The following SEPTIN8 variants were observed in gnomAD, a reference collection of about 807,000 sequenced individuals.
SEPTIN8 encodes septin-8.
SEPTIN8 carries 22 observed loss-of-function variants against 53.1 expected under a neutral mutation model. That is an observed-to-expected ratio of 0.41 (90% CI 0.30 to 0.59). The LOEUF (loss-of-function observed/expected upper bound fraction) is 0.59. SEPTIN8 is among the 20% of genes least tolerant of loss of function. The probability of loss-of-function intolerance (pLI) is 0.24; values close to 1 mark genes in which losing one functional copy is unlikely to be tolerated. For missense variants in SEPTIN8, 536 were observed against 638.7 expected (o/e 0.84, Z 1.73); for synonymous variants, 228 against 248.4 (o/e 0.92, Z 0.77).
At chr5:132,771,344 T>C (rs556032795) in intron 1 of SEPTIN8, among the ~76,000 whole-genome samples, 23 of 152,288 alleles carry the variant, frequency 1.5e-4, no homozygotes, top group African/African-American at 5.5e-4. Context: ...CAAACTAGGC[T>C]GGTTGTTGCA....
At position 132,751,952 on chromosome 5, in the gene SEPTIN8, A is replaced by G; in HGVS notation, c.*64T>C. ...GGCGTTTTCTGTTCTAACATTAAAA[A>G]CCATGGTCTCCAGTTCCATGCCCTG... On this transcript the variant is annotated 3_prime_UTR_variant, in exon 10 of 10. Transcript: ENST00000378719. 1 of 1,598,618 alleles carries G rather than the reference A, an allele frequency of 6.3e-7. No homozygotes were observed. The highest frequency in any genetic ancestry group is 8.5e-7 in the Non-Finnish European group (1 of 1,172,106).
chr5:132,754,572 C>A (rs552411610), intron 9 of SEPTIN8: 7 of 715,760 alleles, frequency 9.8e-6, no homozygotes, highest in South Asian at 7.4e-5. Flanking sequence ...GGGTAAGAGA[C>A]AACCTTCTGC....
Position 132,761,742 on chromosome 5 carries a change from C to T in SEPTIN8, c.793+58G>A. 1 of 1,577,082 alleles carries T rather than the reference C, an allele frequency of 6.3e-7. No homozygotes were observed. The highest frequency in any genetic ancestry group is 8.6e-7 in the Non-Finnish European group (1 of 1,157,010). ...AAACAGCACAGGGTACTACAGGCAG[C>T]AGGGCAGGCCAGGGAACTCAGTTCT... is the stretch of plus-strand genomic sequence containing the variant. On this transcript the variant is annotated intron_variant, in intron 6 of 9. Transcript: ENST00000378719. The surrounding 1 kb of genome is among the most constrained non-coding windows in gnomAD (Gnocchi z 5.8).
At chr5:132,769,553 T>C (rs1756958367) in intron 1 of SEPTIN8, among the ~76,000 whole-genome samples, 1 of 152,166 alleles carries the variant, frequency 6.6e-6, no homozygotes, top group East Asian at 1.9e-4. Context: ...TAACATGTAT[T>C]GCATGCTTGC....
intron 1 of SEPTIN8, among the ~76,000 whole-genome samples, chr5:132,771,006 T>C (rs1757267272): frequency 6.6e-6 from 1 of 152,154 alleles, no homozygotes; most frequent in Non-Finnish European, 1.5e-5. Flanking sequence ...CAATAACTTC[T>C]CAGGCCGGCT....
intron 9 of SEPTIN8, 134 bp from the exon 10 acceptor site, chr5:132,752,315 C>T: frequency 8.3e-7 from 1 of 1,212,076 alleles, no homozygotes; most frequent in Non-Finnish European, 1.1e-6. Context: ...TGGCCATAAC[C>T]CTGGAAAGAG....
intron 1 of SEPTIN8, among the ~76,000 whole-genome samples, chr5:132,766,036 T>G (rs1036851306): frequency 6.6e-6 from 1 of 152,194 alleles, no homozygotes; most frequent in Non-Finnish European, 1.5e-5. Context: ...CTCACAAGCA[T>G]GCTCCCTCAG....
chr5:132,771,372 A>G (rs994609848), intron 1 of SEPTIN8, among the ~76,000 whole-genome samples: 1 of 152,166 alleles, frequency 6.6e-6, no homozygotes, highest in African/African-American at 2.4e-5. Context: ...TAGAAAGGAT[A>G]CCCCACCATA....
Position 132,751,904 on chromosome 5 carries a change from G to C in SEPTIN8, c.*112C>G, listed in dbSNP as rs778692925. ...GGAAATTTAAATTGTTTGCACTTTT[G>C]ATCATTGATATAGGAAAAGTATGGC... On this transcript the variant is annotated 3_prime_UTR_variant, in exon 10 of 10. Transcript: ENST00000378719. 21 of 1,519,464 alleles carry C rather than the reference G, an allele frequency of 1.4e-5. No homozygotes were observed. The highest frequency in any genetic ancestry group is 1.8e-4 in the Middle Eastern group (1 of 5,612). The allele number at this position is 1,519,464 out of a possible 1,614,324, so 94.1% of individuals were successfully genotyped here.
At chr5:132,770,724 C>G (rs1182580162) in intron 1 of SEPTIN8, among the ~76,000 whole-genome samples, 1 of 152,180 alleles carries the variant, frequency 6.6e-6, no homozygotes, top group Non-Finnish European at 1.5e-5. Context: ...GGCAGGACAA[C>G]TTAACTTGGA....
At chr5:132,765,646 C>T (rs1251560951) in intron 1 of SEPTIN8, 117 bp from the exon 2 acceptor site, 1 of 1,241,766 alleles carries the variant, frequency 8.1e-7, no homozygotes, top group African/African-American at 1.5e-5. Flanking sequence ...TGTCTGAATT[C>T]TCAACAAATC....
At chr5:132,756,981 C>G (rs924665038) in intron 9 of SEPTIN8, 2 of 985,304 alleles carry the variant, frequency 2.0e-6, no homozygotes, top group Non-Finnish European at 2.4e-6. Flanking sequence ...ACTGCATACA[C>G]TTTCAGACAT....
At chr5:132,777,935 T>C (rs768418189), upstream of SEPTIN8, 9 of 985,474 alleles carry the variant, frequency 9.1e-6, no homozygotes, top group Non-Finnish European at 1.1e-5. This position sits in a 1 kb window ranked among gnomAD's most constrained non-coding sequence, Gnocchi z 4.1. Flanking sequence ...AGGCGTCAGA[T>C]TGCAAGTGTC....
rs1322830749 is a variant in SEPTIN8, at chr5:132,760,698, AAG to A, written c.1286+102_1286+103del. On this transcript the variant is annotated intron_variant, in intron 9 of 9. Transcript: ENST00000378719. This position sits in a 1 kb window ranked among gnomAD's most constrained non-coding sequence, Gnocchi z 5.2. ...AGGGAAAACCAAACAGGAAAGGGGT[AAG>A]AGAGGGCGAGCAGGAGAGCGAGAAG... 7 of 1,103,420 alleles carry A rather than the reference AAG, an allele frequency of 6.3e-6. No homozygotes were observed. Among genetic ancestry groups the A allele is most frequent in the South Asian group, 5.9e-5 (4 of 67,522 alleles). The allele number at this position is 1,103,420 out of a possible 1,614,324, so 68.4% of individuals were successfully genotyped here.
chr5:132,770,010 T>TATAC (rs1757051539), intron 1 of SEPTIN8, among the ~76,000 whole-genome samples: 2 of 57,496 alleles, frequency 3.5e-5, no homozygotes, highest in East Asian at 5.0e-4. Context: ...TATATATATA[T>TATAC]ATATATATAT....
rs745557559 is a variant in SEPTIN8, at chr5:132,758,960, G to A, written c.1286+1842C>T. On this transcript the variant is annotated intron_variant, in intron 9 of 9. Coordinates refer to ENST00000378719, the MANE Select transcript of SEPTIN8 (RefSeq NM_001098811.2). ...CAGTTTGGCATTTGTGACGAGCAAA[G>A]CAGAGAATTCACCTCAGTTTGTGGT... is the stretch of plus-strand genomic sequence containing the variant. 3 of 843,338 alleles carry A rather than the reference G, an allele frequency of 3.6e-6. No individual in the cohort carries two copies. The African/African-American group carries it at 5.0e-5, about 14-fold the overall frequency. The allele number at this position is 843,338 out of a possible 1,614,324, so 52.2% of individuals were successfully genotyped here. A position where few individuals can be genotyped will look rare whatever the true frequency, so the allele number is the denominator to read the frequency against.
chr5:132,762,579 TCTTGAA>T lies in SEPTIN8; in HGVS notation c.595_600del (p.Phe199_Lys200del). ...CTGACCAACTCGCCCATGATCTTGA[TCTTGAA>T]CTTGTGGAGCTCGCTCTTGGAGATG... is the stretch of plus-strand genomic sequence containing the variant. On this transcript the variant is annotated inframe_deletion, in exon 5 of 10. Transcript: ENST00000378719. 6.2e-7 allele frequency: 1 copy of T among 1,614,210 alleles called. No individual in the cohort carries two copies. The highest frequency in any genetic ancestry group is 8.5e-7 in the Non-Finnish European group (1 of 1,180,030).
At chr5:132,768,647 G>A (rs1260426288) in intron 1 of SEPTIN8, among the ~76,000 whole-genome samples, 1 of 152,218 alleles carries the variant, frequency 6.6e-6, no homozygotes, top group Non-Finnish European at 1.5e-5. Flanking sequence ...GCAATTTGGT[G>A]GGTGAGACCA....
chr5:132,770,777 C>A (rs1412013659), intron 1 of SEPTIN8, among the ~76,000 whole-genome samples: 1 of 152,234 alleles, frequency 6.6e-6, no homozygotes, highest in Non-Finnish European at 1.5e-5. Context: ...TCATTCCACA[C>A]ACCCAGCTCC....
Sources: allele counts gnomAD v4.1 joint callset (sites outside exome capture counted in the v4.1 genomes callset), GRCh38; gene constraint gnomAD v4.1.1; non-coding constraint Gnocchi (gnomAD v3.1); transcripts MANE v1.5; gene names NCBI Gene and HGNC (gene_info 2026-07-23, HGNC 2026-07-21).